ABCG4: variants seen among roughly 807,000 people sequenced by gnomAD.
ABCG4 encodes ATP-binding cassette sub-family G member 4.
A neutral mutation model predicts 64.6 loss-of-function variants in ABCG4; 35 were observed. The observed-to-expected ratio is 0.54, with a 90% CI of 0.41 to 0.72. The LOEUF (loss-of-function observed/expected upper bound fraction) is 0.72. ABCG4 is among the 30% of genes least tolerant of loss of function. The pLI is 0.00. For synonymous variants in ABCG4, 326 were observed against 348.2 expected (o/e 0.94, Z 0.71); for missense variants, 610 against 846.3 (o/e 0.72, Z 3.46).
chr11:119,160,199 C>A lies in ABCG4; in HGVS notation c.1438-28C>A. On this transcript the variant is annotated intron_variant, in intron 12 of 14. Coordinates refer to ENST00000619701, the MANE Select transcript of ABCG4 (RefSeq NM_022169.5). The surrounding 1 kb of genome is among the most constrained non-coding windows in gnomAD (Gnocchi z 4.6). ...GCTGCTGTGCCCCTGGCTTGAAGTC[C>A]ACTGTCCAGCCCGTGCCCACTCCCC... is the stretch of plus-strand genomic sequence containing the variant. 6.3e-7 allele frequency: 1 copy of A among 1,586,580 alleles called. No individual in the cohort carries two copies. The highest frequency in any genetic ancestry group is 8.6e-7 in the Non-Finnish European group (1 of 1,159,352).
Position 119,156,291 on chromosome 11 carries a change from C to A in ABCG4, c.687-38C>A. 1 of 1,613,696 alleles carries A rather than the reference C, an allele frequency of 6.2e-7. No individual in the cohort carries two copies. Among genetic ancestry groups the A allele is most frequent in the South Asian group, 1.1e-5 (1 of 91,052 alleles). On this transcript the variant is annotated intron_variant, in intron 6 of 14. Transcript: ENST00000619701. This position sits in a 1 kb window ranked among gnomAD's most constrained non-coding sequence, Gnocchi z 5.5. ...GACACTCCCTTCTTTTGGCCTCACC[C>A]ACCTCACGTGGCCCCCTGGTGGCCT...
intron 2 of ABCG4, among the ~76,000 whole-genome samples, chr11:119,152,132 G>T (rs1372212193): frequency 6.6e-6 from 1 of 152,240 alleles, no homozygotes; most frequent in Non-Finnish European, 1.5e-5. Context: ...ATATGCTGGA[G>T]TGCGCCACCA....
chr11:119,153,103 T>A (rs1240610207), intron 2 of ABCG4: 1 of 152,456 alleles, frequency 6.6e-6, no homozygotes, highest in Non-Finnish European at 1.5e-5. Flanking sequence ...TTTTAATGCA[T>A]TCTATGTGCC....
Position 119,158,780 on chromosome 11 carries a change from C to T in ABCG4, c.1337-49C>T. 2 of 1,614,098 alleles carry T rather than the reference C, an allele frequency of 1.2e-6. No homozygotes were observed. The highest frequency in any genetic ancestry group is 1.7e-6 in the Non-Finnish European group (2 of 1,179,968). On this transcript the variant is annotated intron_variant, in intron 11 of 14. Coordinates refer to ENST00000619701, the MANE Select transcript of ABCG4 (RefSeq NM_022169.5). This position sits in a 1 kb window ranked among gnomAD's most constrained non-coding sequence, Gnocchi z 4.5. ...AGGGTGTGGGTGCTGGGGCTTGGGGCAGGGGCCAGGGTGTCGGCCGGGTGT... is the reference window on the plus strand; with the variant it reads ...AGGGTGTGGGTGCTGGGGCTTGGGGTAGGGGCCAGGGTGTCGGCCGGGTGT...
Position 119,154,993 on chromosome 11 carries a change from C to A in ABCG4, c.686+78C>A. On this transcript the variant is annotated intron_variant, in intron 6 of 14. Coordinates refer to ENST00000619701, the MANE Select transcript of ABCG4 (RefSeq NM_022169.5). This position sits in a 1 kb window ranked among gnomAD's most constrained non-coding sequence, Gnocchi z 7.0. ...GCCAGGGCTGGAGGCTGCATCTTCTCCATGATCCAGAGCCTCTGTTCACAG... is the reference window on the plus strand; with the variant it reads ...GCCAGGGCTGGAGGCTGCATCTTCTACATGATCCAGAGCCTCTGTTCACAG... 1.3e-6 allele frequency: 2 copies of A among 1,533,494 alleles called. No homozygotes were observed. Among genetic ancestry groups the A allele is most frequent in the Non-Finnish European group, 1.8e-6 (2 of 1,132,452 alleles). 95.0% of individuals were successfully genotyped at this position (1,533,494 alleles called of 1,614,324 possible). A position where few individuals can be genotyped will look rare whatever the true frequency, so the allele number is the denominator to read the frequency against.
chr11:119,152,378 C>T (rs1323728348), intron 2 of ABCG4, among the ~76,000 whole-genome samples: 3 of 152,164 alleles, frequency 2.0e-5, no homozygotes, highest in African/African-American at 7.2e-5. Flanking sequence ...CCCCTTCTGA[C>T]GGGAAGCATC....
chr11:119,151,846 G>A (rs1263706120), intron 2 of ABCG4, among the ~76,000 whole-genome samples: 1 of 152,226 alleles, frequency 6.6e-6, no homozygotes, highest in African/African-American at 2.4e-5. Flanking sequence ...GCAGTTGTGG[G>A]ACATGGGTTC....
In ABCG4 at chr11:119,150,245, G is replaced by A; in HGVS notation, c.238+42G>A. ...TAGGGGGAGTCCGTGGGCCCTCTCT[G>A]AGTTGCCTCTCCAGAAGCATGAGGC... On this transcript the variant is annotated intron_variant, in intron 2 of 14. Coordinates refer to ENST00000619701, the MANE Select transcript of ABCG4 (RefSeq NM_022169.5). This position sits in a 1 kb window ranked among gnomAD's most constrained non-coding sequence, Gnocchi z 4.3. 6.3e-7 allele frequency: 1 copy of A among 1,593,608 alleles called. No individual in the cohort carries two copies. The highest frequency in any genetic ancestry group is 8.6e-7 in the Non-Finnish European group (1 of 1,167,346).
chr11:119,159,290 C>T (rs1948312978), intron 12 of ABCG4, among the ~76,000 whole-genome samples: 2 of 152,218 alleles, frequency 1.3e-5, no homozygotes, highest in Admixed American at 1.3e-4. Context: ...AGTTTGACAC[C>T]AGCCTGGGCA....
Position 119,161,185 on chromosome 11 carries a change from T to G in ABCG4, c.*79T>G. 7.4e-7 allele frequency: 1 copy of G among 1,354,726 alleles called. No individual in the cohort carries two copies. The highest frequency in any genetic ancestry group is 1.0e-6 in the Non-Finnish European group (1 of 993,076). 83.9% of individuals were successfully genotyped at this position (1,354,726 alleles called of 1,614,324 possible). A position where few individuals can be genotyped will look rare whatever the true frequency, so the allele number is the denominator to read the frequency against. ...GCCCTTTGGGACTGTTTTAACCTTA[T>G]AGACTTGGGCACTGGTTCCTGGCGG... is the stretch of plus-strand genomic sequence containing the variant. On this transcript the variant is annotated 3_prime_UTR_variant, in exon 15 of 15. Coordinates refer to ENST00000619701, the MANE Select transcript of ABCG4 (RefSeq NM_022169.5).
rs1172705010 is a variant in ABCG4, at chr11:119,156,436, T to C, written c.794T>C (p.Phe265Ser). The C allele has an allele frequency of 1.9e-6, 3 of 1,613,866 alleles. No individual in the cohort carries two copies. The highest frequency in any genetic ancestry group is 1.3e-5 in the African/African-American group (1 of 74,876). Residue 265 changes from phenylalanine (F) to serine (S), a missense_variant, in exon 7 of 15, where the codon TTT becomes TCT. Phe to Ser is a radical substitution (Grantham distance 155). Transcript: ENST00000619701. This position sits in a 1 kb window ranked among gnomAD's most constrained non-coding sequence, Gnocchi z 5.5. ...ATCCACCAGCCCAGTGCCAAGCTCT[T>C]TGAGATGTTTGACAAGGTGAGTGTC... ...CTIHQPSAKL[F>S]EMFDKLYILS...
intron 9 of ABCG4, among the ~76,000 whole-genome samples, chr11:119,157,949 A>G (rs1329793336): frequency 1.3e-5 from 2 of 152,236 alleles, no homozygotes; most frequent in Non-Finnish European, 2.9e-5. Context: ...GTTTTGATGG[A>G]TTAAAAAAGT....
Position 119,150,278 on chromosome 11 carries a change from TC to T in ABCG4, c.238+78del. The T allele has an allele frequency of 6.5e-7, 1 of 1,547,018 alleles. No homozygotes were observed. Among genetic ancestry groups the T allele is most frequent in the Non-Finnish European group, 8.7e-7 (1 of 1,144,874 alleles). On this transcript the variant is annotated intron_variant, in intron 2 of 14. Transcript: ENST00000619701. The surrounding 1 kb of genome is among the most constrained non-coding windows in gnomAD (Gnocchi z 4.3). The stretch of plus-strand genomic sequence containing the variant: ...TCTCCAGAAGCATGAGGCCTGGGTG[TC>T]CCATGTTCGGAAAGTCCTGCACCAG...
In ABCG4 at chr11:119,156,709, A is replaced by T; in HGVS notation, c.925+31A>T. ...TGGGGGTCTGTTGGTAGGGGCTGGGAAACAGCAGTGGGCCGAACCTGGGGT... is the reference window on the plus strand; with the variant it reads ...TGGGGGTCTGTTGGTAGGGGCTGGGTAACAGCAGTGGGCCGAACCTGGGGT... On this transcript the variant is annotated intron_variant, in intron 8 of 14. Coordinates refer to ENST00000619701, the MANE Select transcript of ABCG4 (RefSeq NM_022169.5). This position sits in a 1 kb window ranked among gnomAD's most constrained non-coding sequence, Gnocchi z 5.5. The T allele has an allele frequency of 1.2e-6, 2 of 1,611,522 alleles. No individual in the cohort carries two copies. The highest frequency in any genetic ancestry group is 2.2e-5 in the South Asian group (2 of 91,018).
chr11:119,154,457 A>G lies in ABCG4; in HGVS notation c.489+65A>G. Reference sequence around the variant, plus strand: ...TCTGTCTGCTGTCGCCACCTTCACCATTGGCGGAGGGTTCAAGGCAGAGCT... The same window carrying G: ...TCTGTCTGCTGTCGCCACCTTCACCGTTGGCGGAGGGTTCAAGGCAGAGCT... On this transcript the variant is annotated intron_variant, in intron 4 of 14. Transcript: ENST00000619701. The surrounding 1 kb of genome is among the most constrained non-coding windows in gnomAD (Gnocchi z 7.0). 6.2e-7 allele frequency: 1 copy of G among 1,613,842 alleles called. No individual in the cohort carries two copies. Among genetic ancestry groups the G allele is most frequent in the Non-Finnish European group, 8.5e-7 (1 of 1,179,908 alleles).
In ABCG4 at chr11:119,158,999, C is replaced by T. The variant is rs998156432; in HGVS notation, c.1437+70C>T. On this transcript the variant is annotated intron_variant, in intron 12 of 14. Transcript: ENST00000619701. The surrounding 1 kb of genome is among the most constrained non-coding windows in gnomAD (Gnocchi z 4.5). ...GCTCCTTCTATCCTTGCTTTCTTGC[C>T]TCCCTCAAACTTGTCACTTTCCTTC... The T allele has an allele frequency of 6.9e-7, 1 of 1,445,548 alleles. No individual in the cohort carries two copies. Among genetic ancestry groups the T allele is most frequent in the Non-Finnish European group, 9.7e-7 (1 of 1,029,452 alleles). The allele number at this position is 1,445,548 out of a possible 1,614,324, so 89.5% of individuals were successfully genotyped here.
chr11:119,157,310 C>T (rs1948278761), intron 9 of ABCG4, among the ~76,000 whole-genome samples: 1 of 152,256 alleles, frequency 6.6e-6, no homozygotes, highest in African/African-American at 2.4e-5. Flanking sequence ...GCAAGATCAA[C>T]ATGGTCCCCA....
In ABCG4 at chr11:119,154,885, C is replaced by G. The variant is rs780589874; in HGVS notation, c.656C>G (p.Pro219Arg). 1 of 1,613,450 alleles carries G rather than the reference C, an allele frequency of 6.2e-7. No individual in the cohort carries two copies. The highest frequency in any genetic ancestry group is 8.5e-7 in the Non-Finnish European group (1 of 1,179,410). ...LAIALELVNN[P>R]PVMFFDEPTS... ...ATCGCCCTGGAGCTGGTCAACAACC[C>G]GCCTGTCATGTTCTTTGATGAGCCC... The change falls in exon 6 of 15, where the codon CCG (proline) becomes CGG (arginine). Residue 219 changes from proline (P) to arginine (R), a missense_variant. Physicochemically the swap from Pro to Arg is moderately radical, Grantham distance 103. Coordinates refer to ENST00000619701, the MANE Select transcript of ABCG4 (RefSeq NM_022169.5). The surrounding 1 kb of genome is among the most constrained non-coding windows in gnomAD (Gnocchi z 7.0).
chr11:119,160,375 A>T lies in ABCG4; in HGVS notation c.1586A>T (p.Asn529Ile), dbSNP rs1275067131. The T allele has an allele frequency of 2.5e-6, 4 of 1,609,670 alleles. No homozygotes were observed. Among genetic ancestry groups the T allele is most frequent in the Non-Finnish European group, 3.4e-6 (4 of 1,176,964 alleles). ...SLGLLIGAAS[N>I]SLQVATFVGP... is the part of the protein sequence containing the mutation. Reference sequence around the variant, plus strand: ...GGGCTGCTGATCGGAGCTGCTTCCAACTCCCTACAGGTGGGAGGGCTGGCA... The same window carrying T: ...GGGCTGCTGATCGGAGCTGCTTCCATCTCCCTACAGGTGGGAGGGCTGGCA... Residue 529 changes from asparagine (N) to isoleucine (I), a missense_variant, in exon 13 of 15, where the codon AAC becomes ATC. Physicochemically the swap from Asn to Ile is moderately radical, Grantham distance 149 (BLOSUM62 -3). Transcript: ENST00000619701. The surrounding 1 kb of genome is among the most constrained non-coding windows in gnomAD (Gnocchi z 4.6).
Sources: gnomAD v4.1 joint callset for allele counts (sites outside exome capture counted in the v4.1 genomes callset) on GRCh38, gnomAD v4.1.1 for gene constraint, Gnocchi (gnomAD v3.1) non-coding constraint, MANE v1.5 for transcripts, NCBI Gene and HGNC (gene_info 2026-07-23, HGNC 2026-07-21) for gene names.